Variants in PAN2 observed in about 807,000 individuals in gnomAD.
PAN2 encodes the protein PAN2-PAN3 deadenylation complex catalytic subunit PAN2.
Under a neutral mutation model 133.3 loss-of-function variants are expected in PAN2, and 68 were observed. That is an observed-to-expected ratio of 0.51 (90% CI 0.42 to 0.62). PAN2 has a LOEUF of 0.62. PAN2 is among the 20% of genes least tolerant of loss of function. The pLI is 0.00. For synonymous variants in PAN2, 462 were observed against 544.6 expected (o/e 0.85, Z 2.11); for missense variants, 1,042 against 1,500.5 (o/e 0.69, Z 5.05).
chr12:56,327,723 C>CTA, intron 5 of PAN2, 92 bp from the exon 6 acceptor site: 2 of 1,435,932 alleles, frequency 1.4e-6, no homozygotes, highest in Non-Finnish European at 1.9e-6. Context: ...ACCAAAGGAA[C>CTA]TAGGGCTTTA....
At chr12:56,326,484 A>T in intron 7 of PAN2, 75 bp from the exon 8 acceptor site, 1 of 1,517,092 alleles carries the variant, frequency 6.6e-7, no homozygotes, top group South Asian at 1.2e-5. Flanking sequence ...CCAAGGGTCC[A>T]GAGAAAAAGA....
intron 2 of PAN2, 40 bp from the exon 3 acceptor site, chr12:56,328,681 G>A (rs778465761): frequency 1.9e-6 from 3 of 1,568,742 alleles, no homozygotes; most frequent in South Asian, 1.1e-5. Flanking sequence ...TAGAGTGGAG[G>A]GGCAAGGGCC....
chr12:56,322,343 T>C (rs893979437), intron 19 of PAN2, 80 bp downstream of exon 19: 40 of 1,246,928 alleles, frequency 3.2e-5, no homozygotes, highest in African/African-American at 1.2e-4. Context: ...TGAATCTGCC[T>C]GGCATTCTAT....
At position 56,319,636 on chromosome 12, in the gene PAN2, G is replaced by A; in HGVS notation, c.3075C>T (p.Ile1025=). Residue 1025 remains isoleucine (I), a synonymous_variant, in exon 22 of 26, where the codon ATC becomes ATT. Transcript: ENST00000440411. The surrounding 1 kb of genome is among the most constrained non-coding windows in gnomAD (Gnocchi z 5.4). The stretch of plus-strand genomic sequence containing the variant: ...ATCCTAATACCTGCTCCTGGGTAGA[G>A]ATGTAGTCATCAATGAAGGGGATAC... The part of the protein sequence containing the change: ...NEGIPFIDDY[I]STQEQVVDYL... 6.2e-7 allele frequency: 1 copy of A among 1,610,700 alleles called. No homozygotes were observed. The highest frequency in any genetic ancestry group is 1.1e-5 in the South Asian group (1 of 90,446).
chr12:56,320,829 C>A (rs1020027096), intron 20 of PAN2, among the ~76,000 whole-genome samples: 1 of 148,096 alleles, frequency 6.8e-6, no homozygotes, highest in African/African-American at 2.5e-5. Flanking sequence ...CTTTGGAAGG[C>A]CAAGGAGGGT....
Position 56,326,350 on chromosome 12 carries a change from C to G in PAN2, c.1322G>C (p.Gly441Ala). The G allele has an allele frequency of 1.2e-6, 2 of 1,604,934 alleles. No homozygotes were observed. The highest frequency in any genetic ancestry group is 1.7e-6 in the Non-Finnish European group (2 of 1,173,854). ...CCTGGTGCGGGGATTGGGCGCATAG[C>G]CAATGAAGCCCACCTTCTTCATGGT... ...LRTMKKVGFI[G>A]YAPNPRTRLR... The change falls in exon 8 of 26, where the codon GGC becomes GCC. Residue 441 changes from glycine to alanine, a missense_variant. Physicochemically the swap from Gly to Ala is moderately conservative, Grantham distance 60. Coordinates refer to ENST00000440411, the MANE Select transcript of PAN2 (RefSeq NM_014871.6).
At chr12:56,317,749 T>G in intron 25 of PAN2, 106 bp from the exon 26 acceptor site, 1 of 886,236 alleles carries the variant, frequency 1.1e-6, no homozygotes, top group East Asian at 2.4e-5. Context: ...GCATGGACCT[T>G]CCCTGAACAT....
intron 20 of PAN2, among the ~76,000 whole-genome samples, chr12:56,320,364 G>A (rs569530051): frequency 2.6e-5 from 4 of 152,294 alleles, no homozygotes; most frequent in African/African-American, 4.8e-5. Flanking sequence ...ATAGCCAGGC[G>A]CGGTGGCTAA....
chr12:56,331,613 A>T (rs1389957447), intron 2 of PAN2, among the ~76,000 whole-genome samples: 1 of 152,192 alleles, frequency 6.6e-6, no homozygotes, highest in Non-Finnish European at 1.5e-5. Flanking sequence ...TGCCTATTAA[A>T]CTGAATGAAT....
chr12:56,320,719 C>G (rs1874399713), intron 20 of PAN2, among the ~76,000 whole-genome samples: 1 of 150,818 alleles, frequency 6.6e-6, no homozygotes, highest in African/African-American at 2.4e-5. Flanking sequence ...ATCTCATTTC[C>G]ACTCCACTCT....
At chr12:56,332,578 C>T (rs1876022619) in intron 2 of PAN2, among the ~76,000 whole-genome samples, 1 of 139,474 alleles carries the variant, frequency 7.2e-6, no homozygotes, top group African/African-American at 2.7e-5. Context: ...CTGGCCTAGG[C>T]GACAGAGCAA....
chr12:56,325,561 T>C, intron 8 of PAN2, 107 bp from the exon 9 acceptor site: 1 of 1,177,246 alleles, frequency 8.5e-7, no homozygotes, highest in Non-Finnish European at 1.2e-6. Flanking sequence ...ACCTTCTATA[T>C]TCATAGCACT....
intron 20 of PAN2, among the ~76,000 whole-genome samples, chr12:56,321,228 ATTTT>A (rs112926568): frequency 1.5e-5 from 2 of 136,258 alleles, no homozygotes; most frequent in Non-Finnish European, 3.2e-5. Context: ...ACTCAGCTAA[ATTTT>A]TTTTTTTTTT....
intron 20 of PAN2, among the ~76,000 whole-genome samples, chr12:56,321,740 A>G (rs542371614): frequency 1.3e-5 from 2 of 150,708 alleles, no homozygotes; most frequent in East Asian, 2.0e-4. Context: ...AATCCCAGCT[A>G]CTCAGGAGGC....
chr12:56,323,606 G>A lies in PAN2; in HGVS notation c.2173-8C>T. On this transcript the variant is annotated splice_polypyrimidine_tract_variant and splice_region_variant and intron_variant, in intron 14 of 25. Coordinates refer to ENST00000440411, the MANE Select transcript of PAN2 (RefSeq NM_014871.6). ...GATGTTGCGGGTCTGAATCTGAGAG[G>A]AAGAAACAAACAAGGAATGGCAGGG... 6.2e-7 allele frequency: 1 copy of A among 1,612,068 alleles called. No homozygotes were observed. The highest frequency in any genetic ancestry group is 8.5e-7 in the Non-Finnish European group (1 of 1,178,184).
At position 56,326,376 on chromosome 12, in the gene PAN2, G is replaced by A; in HGVS notation, c.1296C>T (p.Arg432=). The A allele has an allele frequency of 6.2e-7, 1 of 1,602,516 alleles. No homozygotes were observed. The highest frequency in any genetic ancestry group is 8.5e-7 in the Non-Finnish European group (1 of 1,172,732). ...RAPPVDAEIL[R]TMKKVGFIGY... ...CAATGAAGCCCACCTTCTTCATGGT[G>A]CGCAGAATCTCTGCATCCACGGGTG... Residue 432 remains arginine, a synonymous_variant, in exon 8 of 26, where the codon CGC becomes CGT. Coordinates refer to ENST00000440411, the MANE Select transcript of PAN2 (RefSeq NM_014871.6).
intron 19 of PAN2, 36 bp from the exon 20 acceptor site, chr12:56,322,204 A>G: frequency 7.4e-7 from 1 of 1,351,840 alleles, no homozygotes; most frequent in Non-Finnish European, 1.1e-6. Flanking sequence ...GCTAATGTAT[A>G]TCACCCTTTT....
chr12:56,331,710 T>G (rs951057535), intron 2 of PAN2, among the ~76,000 whole-genome samples: 125 of 127,072 alleles, frequency 9.8e-4, no homozygotes, highest in African/African-American at 2.6e-3. Context: ...GTTTTTTTTT[T>G]TTTTGTTTTT....
rs1378508897 is a variant in PAN2 at position 56,322,072 on chromosome 12, A to G, written c.2788+6T>C. The G allele has an allele frequency of 3.9e-6, 6 of 1,536,414 alleles. No homozygotes were observed. In the South Asian group the frequency reaches 6.7e-5, roughly 17 times the overall value. On this transcript the variant is annotated splice_donor_region_variant and intron_variant, in intron 20 of 25. Coordinates refer to ENST00000440411, the MANE Select transcript of PAN2 (RefSeq NM_014871.6). Reference sequence around the variant, plus strand: ...CACACACTTGGGTCTACTATGTAGCACTTACTGTTCAGGTTGTATCTGGAA... The same window carrying G: ...CACACACTTGGGTCTACTATGTAGCGCTTACTGTTCAGGTTGTATCTGGAA...
Sources: gnomAD v4.1 joint callset for allele counts (sites outside exome capture counted in the v4.1 genomes callset) on GRCh38, gnomAD v4.1.1 for gene constraint, Gnocchi (gnomAD v3.1) non-coding constraint, MANE v1.5 for transcripts, NCBI Gene and HGNC (gene_info 2026-07-23, HGNC 2026-07-21) for gene names.